SLC9A9: variants seen among roughly 807,000 people sequenced by gnomAD.
SLC9A9 encodes the protein solute carrier family 9 member A9.
SLC9A9 carries 62 observed loss-of-function variants against 77.8 expected under a neutral mutation model. The ratio of observed to expected loss-of-function variants is 0.80; its 90% CI spans 0.65 to 0.98. SLC9A9 has a LOEUF of 0.98. Ranked by LOEUF, SLC9A9 falls within the 50% of genes least tolerant of loss-of-function variation. The probability of loss-of-function intolerance (pLI) is 0.00; values close to 1 mark genes in which losing one functional copy is unlikely to be tolerated. For missense variants in SLC9A9, 775 were observed against 774.9 expected, an observed-to-expected ratio of 1.00 and a Z score of 0.00; for synonymous variants, 320 against 283.5, an observed-to-expected ratio of 1.13 and a Z score of -1.29.
Position 143,281,237 on chromosome 3 carries a change from A to G in SLC9A9, c.1605-12257T>C, listed in dbSNP as rs1050784668. 5.9e-5 allele frequency among the ~76,000 whole-genome samples: 9 copies of G among 152,310 alleles called. No individual in the cohort carries two copies. The East Asian group carries it at 7.7e-4, about 13-fold the overall frequency. ...GCATCACTAAGTTGCTACATGGAGG[A>G]CATTTGCCCTAGAGAATCACCACAT... On this transcript the variant is annotated intron_variant, in intron 14 of 15. Coordinates refer to ENST00000316549, the MANE Select transcript of SLC9A9 (RefSeq NM_173653.4).
intron 12 of SLC9A9, among the ~76,000 whole-genome samples, chr3:143,464,847 G>A (rs190792151): frequency 2.0e-5 from 3 of 152,254 alleles, no homozygotes; most frequent in African/African-American, 7.2e-5. Context: ...AACTTTTTCT[G>A]CCCTGTATCT....
intron 12 of SLC9A9, among the ~76,000 whole-genome samples, chr3:143,398,856 C>G (rs549291419): frequency 1.3e-5 from 2 of 152,246 alleles, no homozygotes; most frequent in South Asian, 4.1e-4. Flanking sequence ...CAATTGGAAG[C>G]AGATTTGATC....
At chr3:143,829,209 C>T (rs1406771131) in intron 2 of SLC9A9, among the ~76,000 whole-genome samples, 1 of 152,108 alleles carries the variant, frequency 6.6e-6, no homozygotes, top group Admixed American at 6.6e-5. Flanking sequence ...TGCACCCACC[C>T]CTTCCTCAAG....
chr3:143,479,876 A>G (rs1028621057), intron 11 of SLC9A9, among the ~76,000 whole-genome samples: 1 of 152,210 alleles, frequency 6.6e-6, no homozygotes, highest in African/African-American at 2.4e-5. Context: ...TGTGAGATTG[A>G]GTCCTATCTC....
intron 14 of SLC9A9, among the ~76,000 whole-genome samples, chr3:143,337,115 A>C (rs554789556): frequency 2.7e-4 from 41 of 152,182 alleles, no homozygotes; most frequent in African/African-American, 8.9e-4. Context: ...AGTATGGGAG[A>C]GAATATTATA....
intron 14 of SLC9A9, among the ~76,000 whole-genome samples, chr3:143,351,314 C>G (rs551674643): frequency 2.6e-5 from 4 of 152,128 alleles, no homozygotes; most frequent in African/African-American, 9.7e-5. Flanking sequence ...TTTGAAAAAC[C>G]CTGATTTAAA....
At chr3:143,341,287 T>C (rs1031253092) in intron 14 of SLC9A9, among the ~76,000 whole-genome samples, 4 of 152,140 alleles carry the variant, frequency 2.6e-5, no homozygotes, top group Admixed American at 2.0e-4. Flanking sequence ...CTTGAGAATA[T>C]ATACCTGAGA....
chr3:143,547,124 T>C (rs1220599230), intron 9 of SLC9A9, among the ~76,000 whole-genome samples: 1 of 152,234 alleles, frequency 6.6e-6, no homozygotes, highest in Non-Finnish European at 1.5e-5. Context: ...TAATGTTTAT[T>C]ACCTTTCAGG....
At chr3:143,460,792 C>A (rs1007875653) in intron 12 of SLC9A9, among the ~76,000 whole-genome samples, 2 of 152,058 alleles carry the variant, frequency 1.3e-5, no homozygotes, top group African/African-American at 4.8e-5. Context: ...TGTTATAAAC[C>A]TAGAATATTT....
At chr3:143,833,286 G>A (rs1455173665) in intron 1 of SLC9A9, among the ~76,000 whole-genome samples, 1 of 151,928 alleles carries the variant, frequency 6.6e-6, no homozygotes, top group Non-Finnish European at 1.5e-5. Flanking sequence ...ACATTTTTGG[G>A]GTGCATATTG....
At chr3:143,832,477 G>T (rs1478216414) in intron 1 of SLC9A9, among the ~76,000 whole-genome samples, 2 of 151,950 alleles carry the variant, frequency 1.3e-5, no homozygotes, top group African/African-American at 2.4e-5. Context: ...TACTAATTTT[G>T]GAGAGAAAAG....
chr3:143,391,338 C>A (rs939429662), intron 12 of SLC9A9, among the ~76,000 whole-genome samples: 2 of 152,216 alleles, frequency 1.3e-5, no homozygotes, highest in East Asian at 3.9e-4. Context: ...CCCAGGCAAA[C>A]AGAGTCTGCA....
chr3:143,516,191 C>T (rs191915557), intron 9 of SLC9A9, among the ~76,000 whole-genome samples: 203 of 152,244 alleles, frequency 1.3e-3, no homozygotes, highest in African/African-American at 4.8e-3. Flanking sequence ...TTTTTAATCT[C>T]CACAGCACCT....
intron 11 of SLC9A9, among the ~76,000 whole-genome samples, chr3:143,475,087 T>A (rs1168275407): frequency 6.6e-6 from 1 of 151,600 alleles, no homozygotes; most frequent in Non-Finnish European, 1.5e-5. Flanking sequence ...GCCTCCTGAG[T>A]AGCTGGGACT....
chr3:143,725,702 C>A (rs1340973406), intron 4 of SLC9A9, among the ~76,000 whole-genome samples: 1 of 126,470 alleles, frequency 7.9e-6, no homozygotes, highest in African/African-American at 3.0e-5. Context: ...CACATGGACA[C>A]AGGAAGGGGA....
chr3:143,620,685 G>A (rs764508046), intron 6 of SLC9A9: 4 of 152,930 alleles, frequency 2.6e-5, no homozygotes, highest in South Asian at 2.1e-4. Context: ...AGCTCCCAGC[G>A]TGAGTGACGC....
chr3:143,575,286 T>A (rs990939692), intron 7 of SLC9A9, among the ~76,000 whole-genome samples: 6 of 152,056 alleles, frequency 3.9e-5, no homozygotes. Flanking sequence ...TGGTGGGGAG[T>A]GTAGCATTTG....
At chr3:143,554,084 G>A (rs1221070718) in intron 8 of SLC9A9, among the ~76,000 whole-genome samples, 2 of 152,162 alleles carry the variant, frequency 1.3e-5, no homozygotes, top group Non-Finnish European at 2.9e-5. Context: ...CCTGTTCACT[G>A]TTTTGACTAG....
At chr3:143,679,845 A>G (rs1381414089) in intron 5 of SLC9A9, among the ~76,000 whole-genome samples, 1 of 152,234 alleles carries the variant, frequency 6.6e-6, no homozygotes, top group Non-Finnish European at 1.5e-5. Flanking sequence ...CAATAAGTAT[A>G]CTAAATACAC....
Sources: gnomAD v4.1 joint callset for allele counts (sites outside exome capture counted in the v4.1 genomes callset) on GRCh38, gnomAD v4.1.1 for gene constraint, MANE v1.5 for transcripts, NCBI Gene and HGNC (gene_info 2026-07-23, HGNC 2026-07-21) for gene names.